CRPPA: variants seen among roughly 807,000 people sequenced by gnomAD.
CRPPA encodes the protein CDP-L-ribitol pyrophosphorylase A.
A neutral mutation model predicts 52.0 loss-of-function variants in CRPPA; 43 were observed. The ratio of observed to expected loss-of-function variants is 0.83; its 90% CI spans 0.65 to 1.07. The LOEUF is 1.07. Among genes scored for constraint, CRPPA ranks in the 50% least tolerant of loss-of-function variants. The pLI, the probability that CRPPA is intolerant of heterozygous loss-of-function variation, is 0.00. For missense variants in CRPPA, 629 were observed against 551.7 expected (o/e 1.14, Z -1.40); for synonymous variants, 250 against 203.5 (o/e 1.23, Z -1.94).
chr7:16,377,053 T>C (rs902170146), intron 2 of CRPPA, among the ~76,000 whole-genome samples: 32 of 152,186 alleles, frequency 2.1e-4, no homozygotes, highest in African/African-American at 5.8e-4. Flanking sequence ...ATGGGGATGA[T>C]TGCAGCATAT....
At chr7:16,238,190 T>A (rs963971292) in intron 8 of CRPPA, among the ~76,000 whole-genome samples, 2 of 152,180 alleles carry the variant, frequency 1.3e-5, no homozygotes, top group Non-Finnish European at 2.9e-5. Context: ...TTAGCTTATA[T>A]AGAATATTTC....
At chr7:16,108,351 C>G (rs1782196882) in intron 9 of CRPPA, among the ~76,000 whole-genome samples, 1 of 151,548 alleles carries the variant, frequency 6.6e-6, no homozygotes, top group Non-Finnish European at 1.5e-5. Context: ...GACTTTACAC[C>G]AAATACATCA....
At chr7:16,240,461 TA>T (rs918155103) in intron 8 of CRPPA, among the ~76,000 whole-genome samples, 37 of 150,788 alleles carry the variant, frequency 2.5e-4, no homozygotes, top group African/African-American at 3.7e-4. Context: ...TTTTTCTGAT[TA>T]AAAAAAAATT....
rs565453615 is a variant in CRPPA, at chr7:16,231,182, T to A, written c.1120-14985A>T. On this transcript the variant is annotated intron_variant, in intron 8 of 9. Transcript: ENST00000407010. Reference sequence around the variant, plus strand: ...TCTTCCCTATTCCATGCTGCCAGAGTTGGGGAGGAGTAACACAGGTAACAA... The same window carrying A: ...TCTTCCCTATTCCATGCTGCCAGAGATGGGGAGGAGTAACACAGGTAACAA... Among the ~76,000 whole-genome samples the A allele has an allele frequency of 1.1e-4, 17 of 152,236 alleles. No individual in the cohort carries two copies. In the South Asian group the frequency reaches 2.1e-3, roughly 19 times the overall value.
chr7:16,162,450 G>A (rs1448993354), intron 9 of CRPPA, among the ~76,000 whole-genome samples: 1 of 152,164 alleles, frequency 6.6e-6, no homozygotes, highest in Non-Finnish European at 1.5e-5. Flanking sequence ...GAGTCATTCA[G>A]GAGCAGGTTG....
intron 2 of CRPPA, 117 bp from the exon 3 acceptor site, chr7:16,376,358 A>G: frequency 9.9e-7 from 1 of 1,014,726 alleles, no homozygotes; most frequent in Non-Finnish European, 1.4e-6. Context: ...AGCTACCTTA[A>G]GAAAACATCT....
At chr7:16,153,020 A>G (rs1783106964) in intron 9 of CRPPA, among the ~76,000 whole-genome samples, 1 of 152,036 alleles carries the variant, frequency 6.6e-6, no homozygotes, top group Admixed American at 6.6e-5. Flanking sequence ...TCCTTAATTG[A>G]TAAAAAATGA....
chr7:16,096,211 T>C (rs1195001908), intron 9 of CRPPA, among the ~76,000 whole-genome samples: 1 of 151,988 alleles, frequency 6.6e-6, no homozygotes, highest in Non-Finnish European at 1.5e-5. Flanking sequence ...GCTTTTATAA[T>C]GTTTTGCACT....
intron 9 of CRPPA, among the ~76,000 whole-genome samples, chr7:16,131,406 A>G (rs1350288828): frequency 2.0e-5 from 3 of 152,212 alleles, no homozygotes; most frequent in Non-Finnish European, 2.9e-5. Context: ...GATAGAAATT[A>G]GAAACATGTT....
intron 5 of CRPPA, among the ~76,000 whole-genome samples, chr7:16,295,522 A>C (rs766112959): frequency 3.3e-5 from 5 of 152,120 alleles, no homozygotes; most frequent in Non-Finnish European, 7.4e-5. Flanking sequence ...AGAAAGAATA[A>C]AATAAAATGT....
chr7:16,122,208 G>A (rs1237286556), intron 9 of CRPPA, among the ~76,000 whole-genome samples: 2 of 151,984 alleles, frequency 1.3e-5, no homozygotes, highest in Non-Finnish European at 2.9e-5. Flanking sequence ...AGAAGGGCTA[G>A]GGCTAACAAA....
In CRPPA at chr7:16,162,878, A is replaced by G. The variant is rs537967032; in HGVS notation, c.1251+53188T>C. Among the ~76,000 whole-genome samples the G allele has an allele frequency of 3.3e-5, 5 of 151,166 alleles. No homozygotes were observed. In the South Asian group the frequency reaches 8.3e-4, roughly 25 times the overall value. On this transcript the variant is annotated intron_variant, in intron 9 of 9. Coordinates refer to ENST00000407010, the MANE Select transcript of CRPPA (RefSeq NM_001101426.4). ...GGGTGCTCCTGTATTGGGTGCATAT[A>G]TATTTAGGAGAGTTAGCTCTTCCTG... is the stretch of plus-strand genomic sequence containing the variant.
chr7:16,115,317 A>G (rs1193684503), intron 9 of CRPPA, among the ~76,000 whole-genome samples: 1 of 152,196 alleles, frequency 6.6e-6, no homozygotes, highest in Non-Finnish European at 1.5e-5. Context: ...GTTGAGTAAG[A>G]TATATGTTAG....
intron 6 of CRPPA, among the ~76,000 whole-genome samples, chr7:16,271,155 A>C (rs2128416063): frequency 6.6e-6 from 1 of 152,274 alleles, no homozygotes; most frequent in South Asian, 2.1e-4. Context: ...GGAGTGGATA[A>C]CCAAAATACA....
rs1030315502 is a variant in CRPPA, at chr7:16,301,534, C to G, written c.790-68G>C. 10 of 1,133,902 alleles carry G rather than the reference C, an allele frequency of 8.8e-6. No homozygotes were observed. The South Asian group carries it at 1.1e-4, about 12-fold the overall frequency. The allele number at this position is 1,133,902 out of a possible 1,614,324, so 70.2% of individuals were successfully genotyped here. On this transcript the variant is annotated intron_variant, in intron 4 of 9. Coordinates refer to ENST00000407010, the MANE Select transcript of CRPPA (RefSeq NM_001101426.4). ...GGAATGTGCAAGCAATAAAATAATGCCCCCAAGGAAATTCTTGATTTTTCA... is the reference window on the plus strand; with the variant it reads ...GGAATGTGCAAGCAATAAAATAATGGCCCCAAGGAAATTCTTGATTTTTCA...
chr7:16,364,229 G>T (rs188341769), intron 3 of CRPPA, among the ~76,000 whole-genome samples: 2 of 152,208 alleles, frequency 1.3e-5, no homozygotes, highest in East Asian at 3.9e-4. Flanking sequence ...ATACCCAAAA[G>T]GTCATAATAA....
chr7:16,132,913 C>G lies in CRPPA; in HGVS notation c.1252-41114G>C, dbSNP rs1407369429. 1.6e-5 allele frequency among the ~76,000 whole-genome samples: 2 copies of G among 123,682 alleles called. 1 individual carries two copies. Among genetic ancestry groups the G allele is most frequent in the South Asian group, 7.9e-4 (2 of 2,524 alleles). 81.1% of individuals were successfully genotyped at this position (123,682 alleles called of 152,430 possible). On this transcript the variant is annotated intron_variant, in intron 9 of 9. Coordinates refer to ENST00000407010, the MANE Select transcript of CRPPA (RefSeq NM_001101426.4). ...GGTTCATGCCTGAAGTCCCAGCACT[C>G]TGAGACGCTGAGGTGGGAGGACTGC...
At chr7:16,354,608 T>G (rs1216754265) in intron 3 of CRPPA, among the ~76,000 whole-genome samples, 1 of 152,082 alleles carries the variant, frequency 6.6e-6, no homozygotes, top group African/African-American at 2.4e-5. Context: ...AAAATAGGAG[T>G]TCATTTTAGC....
rs942942031 is a variant in CRPPA at position 16,365,245 on chromosome 7, C to G, written c.684+10847G>C. 1.8e-4 allele frequency among the ~76,000 whole-genome samples: 28 copies of G among 152,298 alleles called. 1 individual carries two copies. The highest frequency in any genetic ancestry group is 6.5e-4 in the African/African-American group (27 of 41,580). ...ACTGCCTCTGGGAGAAATGCTAACA[C>G]AGAGGGAGATGTCAGATGAACTCTC... On this transcript the variant is annotated intron_variant, in intron 3 of 9. Transcript: ENST00000407010.
Sources: allele counts gnomAD v4.1 joint callset (sites outside exome capture counted in the v4.1 genomes callset), GRCh38; gene constraint gnomAD v4.1.1; transcripts MANE v1.5; gene names NCBI Gene and HGNC (gene_info 2026-07-23, HGNC 2026-07-21).